The following SERPINB9 variants were observed in gnomAD, a reference collection of about 807,000 sequenced individuals.
SERPINB9 encodes serpin B9.
SERPINB9 carries 20 observed loss-of-function variants against 27.2 expected under a neutral mutation model. That is an observed-to-expected ratio of 0.74 (90% CI 0.52 to 1.07). SERPINB9 has a LOEUF of 1.07. Among genes scored for constraint, SERPINB9 ranks in the 50% least tolerant of loss-of-function variants. SERPINB9 has a pLI of 0.00. For synonymous variants in SERPINB9, 189 were observed against 180.0 expected, an observed-to-expected ratio of 1.05 and a Z score of -0.40; for missense variants, 476 against 460.1, an observed-to-expected ratio of 1.03 and a Z score of -0.32.
chr6:2,891,907 G>A lies in SERPINB9; in HGVS notation c.649C>T (p.Leu217=). Residue 217 remains leucine (L), a synonymous_variant, in exon 6 of 7, where the codon CTG becomes TTG. Coordinates refer to ENST00000380698, the MANE Select transcript of SERPINB9 (RefSeq NM_004155.6). This position sits in a 1 kb window ranked among gnomAD's most constrained non-coding sequence, Gnocchi z 4.0. ...TCCTTCCTGGCGTAGGGCAGCTCCA[G>A]CAGCTGCGCGCGCACCTCGCCCACG... ...AHVGEVRAQL[L]ELPYARKELS... 1 of 1,613,228 alleles carries A rather than the reference G, an allele frequency of 6.2e-7. No individual in the cohort carries two copies. The highest frequency in any genetic ancestry group is 8.5e-7 in the Non-Finnish European group (1 of 1,179,918).
intron 4 of SERPINB9, 39 bp from the exon 5 acceptor site, chr6:2,893,592 A>T (rs1767899266): frequency 6.3e-7 from 1 of 1,576,234 alleles, no homozygotes; most frequent in Non-Finnish European, 8.7e-7. Context: ...GTTGCTTTTT[A>T]TAAGAACCTG....
At position 2,894,319 on chromosome 6, in the gene SERPINB9, C is replaced by T. The variant is rs192999309; in HGVS notation, c.425-766G>A. Reference sequence around the variant, plus strand: ...TCCTGGTGGTACTAAGCATAATTGGCGCAGAGGAGTCTGAATGGTTCATCA... The same window carrying T: ...TCCTGGTGGTACTAAGCATAATTGGTGCAGAGGAGTCTGAATGGTTCATCA... On this transcript the variant is annotated intron_variant, in intron 4 of 6. Coordinates refer to ENST00000380698, the MANE Select transcript of SERPINB9 (RefSeq NM_004155.6). The surrounding 1 kb of genome is among the most constrained non-coding windows in gnomAD (Gnocchi z 4.7). 9.2e-5 allele frequency among the ~76,000 whole-genome samples: 14 copies of T among 152,252 alleles called. No individual in the cohort carries two copies. Among genetic ancestry groups the T allele is most frequent in the Admixed American group, 8.5e-4 (13 of 15,298 alleles).
In SERPINB9 at chr6:2,889,500, C is replaced by A. The variant is rs1767704551; in HGVS notation, c.*663G>T. ...CACGAGGTCAGGAGATCGACACCAT[C>A]CTGGCTAACACGGTGAAACCCCGTC... On this transcript the variant is annotated 3_prime_UTR_variant, in exon 7 of 7. Coordinates refer to ENST00000380698, the MANE Select transcript of SERPINB9 (RefSeq NM_004155.6). The A allele has an allele frequency of 6.6e-6, 1 of 151,804 alleles. No homozygotes were observed. Among genetic ancestry groups the A allele is most frequent in the South Asian group, 2.1e-4 (1 of 4,810 alleles). The allele number at this position is 151,804 out of a possible 1,614,324, so 9.4% of individuals were successfully genotyped here. A position where few individuals can be genotyped will look rare whatever the true frequency, so the allele number is the denominator to read the frequency against.
Position 2,890,255 on chromosome 6 carries a change from G to A in SERPINB9, c.1039C>T (p.Pro347Ser), listed in dbSNP as rs763704607. ...AAAGGGTGGTCAGCACAGAACCTGG[G>A]GCCAGATTCCATGCAGCACTCTGCA... ...VVAECCMESG[P>S]RFCADHPFLF... The change falls in exon 7 of 7, where the codon CCC becomes TCC. Residue 347 changes from proline (P) to serine (S), a missense_variant. Transcript: ENST00000380698. The surrounding 1 kb of genome is among the most constrained non-coding windows in gnomAD (Gnocchi z 6.2). The A allele has an allele frequency of 4.3e-5, 69 of 1,614,048 alleles. No individual in the cohort carries two copies. Among genetic ancestry groups the A allele is most frequent in the Non-Finnish European group, 5.5e-5 (65 of 1,180,030 alleles).
At position 2,890,664 on chromosome 6, in the gene SERPINB9, G is replaced by T; in HGVS notation, c.724-94C>A. On this transcript the variant is annotated intron_variant, in intron 6 of 6. Transcript: ENST00000380698. The surrounding 1 kb of genome is among the most constrained non-coding windows in gnomAD (Gnocchi z 6.2). ...AGTTCCCTTCCTCCCCTTGCACGTAGGTGTTGTTTGTTCACATAGGATCAG... is the reference window on the plus strand; with the variant it reads ...AGTTCCCTTCCTCCCCTTGCACGTATGTGTTGTTTGTTCACATAGGATCAG... 8.0e-7 allele frequency: 1 copy of T among 1,243,498 alleles called. No homozygotes were observed. Among genetic ancestry groups the T allele is most frequent in the Non-Finnish European group, 1.1e-6 (1 of 885,338 alleles). The allele number at this position is 1,243,498 out of a possible 1,614,324, so 77.0% of individuals were successfully genotyped here.
chr6:2,892,318 ATT>A (rs1767838575), intron 5 of SERPINB9, among the ~76,000 whole-genome samples: 1 of 151,992 alleles, frequency 6.6e-6, no homozygotes, highest in Admixed American at 6.6e-5. Context: ...TTAAATACAA[ATT>A]TGTTTTGATT....
chr6:2,892,099 TAACACTAA>T, intron 5 of SERPINB9, 111 bp from the exon 6 acceptor site: 3 of 266,214 alleles, frequency 1.1e-5, no homozygotes, highest in Non-Finnish European at 1.2e-5. Context: ...ATGCCCCAGT[TAACACTAA>T]AAAAAAAAAA....
intron 1 of SERPINB9, 26 bp from the exon 2 acceptor site, chr6:2,900,647 GCAGTTTC>G: frequency 6.2e-7 from 1 of 1,603,388 alleles, no homozygotes; most frequent in Non-Finnish European, 8.5e-7. Flanking sequence ...AAAGAGAAAT[GCAGTTTC>G]CACACTCCCT....
rs374441247 is a variant in SERPINB9, at chr6:2,901,880, C to T, written c.-10-1259G>A. 2.6e-5 allele frequency among the ~76,000 whole-genome samples: 4 copies of T among 152,206 alleles called. 1 individual carries two copies. In the South Asian group the frequency reaches 8.3e-4, roughly 32 times the overall value. ...GACACCTCATCTGTGCTCCCCAAAA[C>T]GCCACGCAAAGCGCTGGAGAGCCTT... On this transcript the variant is annotated intron_variant, in intron 1 of 6. Coordinates refer to ENST00000380698, the MANE Select transcript of SERPINB9 (RefSeq NM_004155.6).
chr6:2,897,510 A>G (rs944400195), intron 2 of SERPINB9, among the ~76,000 whole-genome samples: 1 of 152,166 alleles, frequency 6.6e-6, no homozygotes, highest in African/African-American at 2.4e-5. Flanking sequence ...AGTATATGAC[A>G]TATGATTTAG....
Position 2,891,984 on chromosome 6 carries a change from T to C in SERPINB9, c.572A>G (p.Glu191Gly). ...ATACATCATCTGCACTGGCCTTTGC[T>C]CCTCCTGGGGGAAGGATTATTGAAA... ...REMPFKINQE[E>G]QRPVQMMYQE... The change falls in exon 6 of 7, where the codon GAG (glutamate) becomes GGG (glycine). Residue 191 changes from glutamate to glycine, a missense_variant. By Grantham distance (98) the Glu-to-Gly change is moderately conservative. Transcript: ENST00000380698. The surrounding 1 kb of genome is among the most constrained non-coding windows in gnomAD (Gnocchi z 4.0). 6.2e-7 allele frequency: 1 copy of C among 1,613,208 alleles called. No homozygotes were observed. The highest frequency in any genetic ancestry group is 8.5e-7 in the Non-Finnish European group (1 of 1,179,832).
intron 5 of SERPINB9, 143 bp downstream of exon 5, chr6:2,893,268 C>A (rs933364189): frequency 3.8e-6 from 2 of 526,084 alleles, no homozygotes; most frequent in African/African-American, 3.5e-5. Flanking sequence ...TTTTTTTCTA[C>A]TGAGTTAAGA....
In SERPINB9 at chr6:2,890,322, T is replaced by C. The variant is rs1031442183; in HGVS notation, c.972A>G (p.Glu324=). ...ACGCTGCCGCTGCCTCGGTGCCTTCTTCATTCACCTCCACAAAACTCTTGT... is the reference window on the plus strand; with the variant it reads ...ACGCTGCCGCTGCCTCGGTGCCTTCCTCATTCACCTCCACAAAACTCTTGT... ...FVHKSFVEVN[E]EGTEAAAASS... The change falls in exon 7 of 7, where the codon GAA becomes GAG. Residue 324 remains glutamate, a synonymous_variant. Coordinates refer to ENST00000380698, the MANE Select transcript of SERPINB9 (RefSeq NM_004155.6). This position sits in a 1 kb window ranked among gnomAD's most constrained non-coding sequence, Gnocchi z 6.2. The C allele has an allele frequency of 1.2e-6, 2 of 1,614,200 alleles. No homozygotes were observed. The highest frequency in any genetic ancestry group is 1.1e-5 in the South Asian group (1 of 91,080).
In SERPINB9 at chr6:2,890,410, T is replaced by A. The variant is rs768281381; in HGVS notation, c.884A>T (p.Gln295Leu). The A allele has an allele frequency of 1.9e-6, 3 of 1,614,216 alleles. No individual in the cohort carries two copies. The South Asian group carries it at 3.3e-5, about 18-fold the overall frequency. The change falls in exon 7 of 7, where the codon CAG (glutamine) becomes CTG (leucine). Residue 295 changes from glutamine to leucine, a missense_variant. Physicochemically the swap from Gln to Leu is moderately radical, Grantham distance 113. Coordinates refer to ENST00000380698, the MANE Select transcript of SERPINB9 (RefSeq NM_004155.6). The surrounding 1 kb of genome is among the most constrained non-coding windows in gnomAD (Gnocchi z 6.2). ...RHLGIVDAFQ[Q>L]GKADLSAMSA... The stretch of plus-strand genomic sequence containing the variant: ...CATTGCCGACAAGTCAGCCTTGCCC[T>A]GTTGGAAGGCATCAACAATTCCCAA...
chr6:2,892,136 A>AG lies in SERPINB9; in HGVS notation c.568-149dup, dbSNP rs1554096979. On this transcript the variant is annotated intron_variant, in intron 5 of 6. Coordinates refer to ENST00000380698, the MANE Select transcript of SERPINB9 (RefSeq NM_004155.6). ...AAAAAAAAAAAAAAAAAAAAAAAAA[A>AG]GTCAACCAGTTCCTTCCTATCTTCA... The AG allele has an allele frequency of 8.2e-5, 59 of 718,872 alleles. No homozygotes were observed. The African/African-American group carries it at 1.1e-3, about 14-fold the overall frequency. The allele number at this position is 718,872 out of a possible 1,614,324, so 44.5% of individuals were successfully genotyped here.
intron 1 of SERPINB9, among the ~76,000 whole-genome samples, chr6:2,902,737 C>G (rs1768246168): frequency 6.6e-6 from 1 of 152,150 alleles, no homozygotes; most frequent in Non-Finnish European, 1.5e-5. Context: ...AGACTGGTCT[C>G]GAACTCCTGA....
At chr6:2,895,590 C>A in intron 3 of SERPINB9, 82 bp from the exon 4 acceptor site, 1 of 825,378 alleles carries the variant, frequency 1.2e-6, no homozygotes. Context: ...AATATGTTAT[C>A]TTTTTTTAAT....
chr6:2,895,649 A>G (rs1035846745), intron 3 of SERPINB9, 141 bp from the exon 4 acceptor site: 2 of 643,946 alleles, frequency 3.1e-6, no homozygotes, highest in Non-Finnish European at 2.7e-6. Context: ...AAGATATGTT[A>G]AAATATCAGA....
chr6:2,891,815 C>T lies in SERPINB9; in HGVS notation c.723+18G>A. 1 of 1,568,896 alleles carries T rather than the reference C, an allele frequency of 6.4e-7. No individual in the cohort carries two copies. Among genetic ancestry groups the T allele is most frequent in the Non-Finnish European group, 8.6e-7 (1 of 1,163,324 alleles). ...CCGCAAAGGTGTCCCTGGGTTCTTC[C>T]CGCAGCCCGGGTCTTACCGTGCTGA... On this transcript the variant is annotated intron_variant, in intron 6 of 6. Transcript: ENST00000380698. This position sits in a 1 kb window ranked among gnomAD's most constrained non-coding sequence, Gnocchi z 4.0.
Sources: allele counts gnomAD v4.1 joint callset (sites outside exome capture counted in the v4.1 genomes callset), GRCh38; gene constraint gnomAD v4.1.1; non-coding constraint Gnocchi (gnomAD v3.1); transcripts MANE v1.5; gene names NCBI Gene and HGNC (gene_info 2026-07-23, HGNC 2026-07-21).